The following SIM2 variants were observed in gnomAD, a reference collection of about 807,000 sequenced individuals.
SIM2 encodes single-minded homolog 2.
SIM2 carries 28 observed loss-of-function variants against 64.8 expected under a neutral mutation model. The observed-to-expected ratio is 0.43, with a 90% CI of 0.32 to 0.59. The LOEUF (loss-of-function observed/expected upper bound fraction) is 0.59. Among genes scored for constraint, SIM2 ranks in the 20% least tolerant of loss-of-function variants. The pLI, the probability that SIM2 is intolerant of heterozygous loss-of-function variation, is 0.07. For synonymous variants in SIM2, 408 were observed against 391.1 expected (o/e 1.04, Z -0.51); for missense variants, 847 against 871.4 (o/e 0.97, Z 0.35).
chr21:36,709,492 C>G, intron 2 of SIM2: 1 of 663,550 alleles, frequency 1.5e-6, no homozygotes. Flanking sequence ...CCCAGGACTC[C>G]CCAGGCCACC....
chr21:36,717,237 C>T (rs2123445084), intron 3 of SIM2, among the ~76,000 whole-genome samples: 1 of 152,218 alleles, frequency 6.6e-6, no homozygotes, highest in South Asian at 2.1e-4. Context: ...GGTCTTTCTG[C>T]AAGGAGGTAA....
chr21:36,737,061 G>C (rs2089071410), intron 7 of SIM2, among the ~76,000 whole-genome samples: 1 of 152,014 alleles, frequency 6.6e-6, no homozygotes, highest in African/African-American at 2.4e-5. Flanking sequence ...TGAGTAGCTG[G>C]GACTACAGGC....
chr21:36,745,176 G>A lies in SIM2; in HGVS notation c.1576+40G>A, dbSNP rs768585007. 1.5e-5 allele frequency: 24 copies of A among 1,575,340 alleles called. No homozygotes were observed. Among genetic ancestry groups the A allele is most frequent in the Middle Eastern group, 1.7e-4 (1 of 6,026 alleles). ...CTCGTGGGGAAGGTGGGAGGACTGC[G>A]CACGGCCGGGAGCCGAAGCAGCCAT... On this transcript the variant is annotated intron_variant, in intron 10 of 10. Transcript: ENST00000290399. This position sits in a 1 kb window ranked among gnomAD's most constrained non-coding sequence, Gnocchi z 4.8.
In SIM2 at chr21:36,747,091, C is replaced by T. The variant is rs928006491; in HGVS notation, c.1577-574C>T. Among the ~76,000 whole-genome samples, 5 of 138,686 alleles carry T rather than the reference C, an allele frequency of 3.6e-5. No individual in the cohort carries two copies. The highest frequency in any genetic ancestry group is 3.5e-4 in the Admixed American group (5 of 14,310). 91.0% of individuals were successfully genotyped at this position (138,686 alleles called of 152,430 possible). On this transcript the variant is annotated intron_variant, in intron 10 of 10. Transcript: ENST00000290399. This position sits in a 1 kb window ranked among gnomAD's most constrained non-coding sequence, Gnocchi z 4.5. The stretch of plus-strand genomic sequence containing the variant: ...CAGGGAGCTACTTAATGTCAGGCAT[C>T]GGACTGAGTAGATGGGAGTGGTTAT...
rs2088799098 is a variant in SIM2, at chr21:36,719,862, T to A, written c.390T>A (p.Pro130=). The A allele has an allele frequency of 1.2e-6, 2 of 1,613,502 alleles. No homozygotes were observed. Among genetic ancestry groups the A allele is most frequent in the Non-Finnish European group, 8.5e-7 (1 of 1,179,608 alleles). Residue 130 remains proline (P), a synonymous_variant, in exon 4 of 11, where the codon CCT becomes CCA. Coordinates refer to ENST00000290399, the MANE Select transcript of SIM2 (RefSeq NM_005069.6). ...TGNSIYEYIH[P]SDHDEMTAVL... is the part of the protein sequence containing the mutation. ...ACAGTATTTATGAATACATCCATCC[T>A]TCTGACCACGATGAGATGACCGCTG... is the stretch of plus-strand genomic sequence containing the variant.
intron 3 of SIM2, among the ~76,000 whole-genome samples, chr21:36,714,713 A>G (rs1022995494): frequency 1.3e-5 from 2 of 152,212 alleles, no homozygotes; most frequent in African/African-American, 2.4e-5. Flanking sequence ...GATCCGGTGC[A>G]TTCAGTCAGG....
chr21:36,724,810 T>C (rs371885533), intron 5 of SIM2, among the ~76,000 whole-genome samples: 27 of 152,342 alleles, frequency 1.8e-4, no homozygotes, highest in Middle Eastern at 3.4e-3. Flanking sequence ...GTTGTCATGA[T>C]GATATTGACC....
intron 7 of SIM2, among the ~76,000 whole-genome samples, chr21:36,734,011 G>A (rs2269192): frequency 3.3e-5 from 5 of 151,960 alleles, no homozygotes; most frequent in African/African-American, 9.7e-5. Flanking sequence ...TGTCCCTCTC[G>A]TGCCCTTTTC....
intron 6 of SIM2, among the ~76,000 whole-genome samples, chr21:36,730,095 G>C (rs944569093): frequency 6.6e-6 from 1 of 152,170 alleles, no homozygotes; most frequent in Admixed American, 6.5e-5. Flanking sequence ...AAGGTCCCCA[G>C]TTATTCCGTA....
At chr21:36,742,234 T>A (rs1401719763) in intron 8 of SIM2, among the ~76,000 whole-genome samples, 1 of 152,054 alleles carries the variant, frequency 6.6e-6, no homozygotes, top group Non-Finnish European at 1.5e-5. Flanking sequence ...TATAAACTTG[T>A]GCTATCCATG....
chr21:36,725,254 G>C (rs1174869472), intron 5 of SIM2, among the ~76,000 whole-genome samples: 1 of 152,174 alleles, frequency 6.6e-6, no homozygotes, highest in African/African-American at 2.4e-5. Context: ...GGAGGCTAAG[G>C]TGGGAGGATC....
At position 36,699,966 on chromosome 21, in the gene SIM2, G is replaced by A; in HGVS notation, c.175+45G>A. ...GCCGGGGACGCTGGGGAGCCCGGCG[G>A]CCCCGGCCCAGGCGGGAAGCGCAAG... is the stretch of plus-strand genomic sequence containing the variant. On this transcript the variant is annotated intron_variant, in intron 1 of 10. Transcript: ENST00000290399. This position sits in a 1 kb window ranked among gnomAD's most constrained non-coding sequence, Gnocchi z 5.6. 6.6e-7 allele frequency: 1 copy of A among 1,526,198 alleles called. No individual in the cohort carries two copies. Among genetic ancestry groups the A allele is most frequent in the Non-Finnish European group, 8.8e-7 (1 of 1,141,416 alleles). The allele number at this position is 1,526,198 out of a possible 1,614,324, so 94.5% of individuals were successfully genotyped here.
rs1601703221 is a variant in SIM2 at position 36,731,212 on chromosome 21, C to T, written c.850+61C>T. 4 of 1,233,248 alleles carry T rather than the reference C, an allele frequency of 3.2e-6. No individual in the cohort carries two copies. The East Asian group carries it at 9.4e-5, about 29-fold the overall frequency. The allele number at this position is 1,233,248 out of a possible 1,614,324, so 76.4% of individuals were successfully genotyped here. ...CTGGTCAGGGAGGAGGCGCTGAGGA[C>T]AGAGCCGGGGGACGTGTCCCTTTTG... On this transcript the variant is annotated intron_variant, in intron 7 of 10. Transcript: ENST00000290399.
intron 1 of SIM2, among the ~76,000 whole-genome samples, chr21:36,708,511 C>T (rs2123424693): frequency 6.6e-6 from 1 of 152,358 alleles, no homozygotes; most frequent in South Asian, 2.1e-4. Context: ...TCACCGCCGG[C>T]AGATTGGAGT....
At position 36,747,687 on chromosome 21, in the gene SIM2, G is replaced by A. The variant is rs1601066188; in HGVS notation, c.1599G>A (p.Arg533=). ...SYEAPAAAVR[R]FGEDTAPPSF... Reference sequence around the variant, plus strand: ...CAGCGCCCGCCGCCGCCGTGCGCAGGTTCGGCGAGGACACCGCGCCCCCGA... The same window carrying A: ...CAGCGCCCGCCGCCGCCGTGCGCAGATTCGGCGAGGACACCGCGCCCCCGA... The change falls in exon 11 of 11, where the codon AGG becomes AGA. Residue 533 remains arginine (R), a synonymous_variant. Transcript: ENST00000290399. The surrounding 1 kb of genome is among the most constrained non-coding windows in gnomAD (Gnocchi z 4.5). 1.0e-5 allele frequency: 13 copies of A among 1,278,244 alleles called. No individual in the cohort carries two copies. Among genetic ancestry groups the A allele is most frequent in the Non-Finnish European group, 1.3e-5 (13 of 1,011,096 alleles). The allele number at this position is 1,278,244 out of a possible 1,614,324, so 79.2% of individuals were successfully genotyped here.
chr21:36,699,317 G>C lies in SIM2; in HGVS notation c.-430G>C, dbSNP rs1203672730. 2 of 150,088 alleles carry C rather than the reference G, an allele frequency of 1.3e-5. No homozygotes were observed. Among genetic ancestry groups the C allele is most frequent in the African/African-American group, 4.9e-5 (2 of 40,712 alleles). 9.3% of individuals were successfully genotyped at this position (150,088 alleles called of 1,614,324 possible). A position where few individuals can be genotyped will look rare whatever the true frequency, so the allele number is the denominator to read the frequency against. Reference sequence around the variant, plus strand: ...GCTCCATGGCTCCGCGGCCACCGCCGCCCCTGTCGCCCTCCGGTCCGGAGG... The same window carrying C: ...GCTCCATGGCTCCGCGGCCACCGCCCCCCCTGTCGCCCTCCGGTCCGGAGG... On this transcript the variant is annotated 5_prime_UTR_variant, in exon 1 of 11. Transcript: ENST00000290399. The surrounding 1 kb of genome is among the most constrained non-coding windows in gnomAD (Gnocchi z 5.6).
intron 1 of SIM2, among the ~76,000 whole-genome samples, chr21:36,706,388 ACCC>A (rs1331181249): frequency 6.0e-5 from 9 of 150,312 alleles, no homozygotes; most frequent in Admixed American, 4.6e-4. Flanking sequence ...CACCTTCCTC[ACCC>A]CCACCCCTCC....
intron 3 of SIM2, among the ~76,000 whole-genome samples, chr21:36,719,451 A>G (rs2088792523): frequency 6.6e-6 from 1 of 152,240 alleles, no homozygotes; most frequent in African/African-American, 2.4e-5. Flanking sequence ...AGGGAAGGAC[A>G]GAGACCCTGG....
chr21:36,719,590 C>T (rs2088794792), intron 3 of SIM2, among the ~76,000 whole-genome samples: 1 of 152,232 alleles, frequency 6.6e-6, no homozygotes, highest in African/African-American at 2.4e-5. Flanking sequence ...CTCTTGGCTG[C>T]AAGCTCAAGC....
Sources: allele counts gnomAD v4.1 joint callset (sites outside exome capture counted in the v4.1 genomes callset), GRCh38; gene constraint gnomAD v4.1.1; non-coding constraint Gnocchi (gnomAD v3.1); transcripts MANE v1.5; gene names NCBI Gene and HGNC (gene_info 2026-07-23, HGNC 2026-07-21).